The following CCNY variants were observed in gnomAD, a reference collection of about 807,000 sequenced individuals.
CCNY encodes the protein cyclin-Y.
In CCNY, 19 loss-of-function variants were observed where a neutral mutation model predicts 42.8. That is an observed-to-expected ratio of 0.44 (90% CI 0.31 to 0.65). The LOEUF is 0.65. CCNY is among the 30% of genes least tolerant of loss of function. CCNY has a pLI of 0.07. For synonymous variants in CCNY, 165 were observed against 162.7 expected (o/e 1.01, Z -0.11); for missense variants, 370 against 437.3 (o/e 0.85, Z 1.37).
At chr10:35,450,727 G>A (rs1838897968) in intron 1 of CCNY, among the ~76,000 whole-genome samples, 1 of 150,294 alleles carries the variant, frequency 6.7e-6, no homozygotes. Flanking sequence ...TTTACCTTTT[G>A]TGTATCAGTA....
At chr10:35,259,105 T>C (rs1394013297) in intron 3 of CCNY, among the ~76,000 whole-genome samples, 1 of 152,168 alleles carries the variant, frequency 6.6e-6, no homozygotes, top group Non-Finnish European at 1.5e-5. Context: ...TCCAGAGTTC[T>C]AAAACAGTTA....
At chr10:35,329,421 C>T (rs972059084) in intron 3 of CCNY, among the ~76,000 whole-genome samples, 10 of 152,018 alleles carry the variant, frequency 6.6e-5, no homozygotes, top group Admixed American at 4.6e-4. Context: ...TTTTTCATCC[C>T]GTAACTGTTT....
intron 1 of CCNY, among the ~76,000 whole-genome samples, chr10:35,398,708 A>G (rs775205667): frequency 1.3e-5 from 2 of 152,214 alleles, no homozygotes; most frequent in African/African-American, 2.4e-5. Context: ...TTGTCTAAAA[A>G]CAAAACAAAA....
At chr10:35,433,340 T>C (rs113447787) in intron 1 of CCNY, among the ~76,000 whole-genome samples, 1,968 of 152,322 alleles carry the variant, frequency 0.013, 37 homozygotes, top group African/African-American at 0.044. Context: ...AGTCCTAGAA[T>C]GTTTTTCAGC....
intron 7 of CCNY, among the ~76,000 whole-genome samples, chr10:35,537,481 A>C (rs964025440): frequency 6.6e-6 from 1 of 152,182 alleles, no homozygotes; most frequent in African/African-American, 2.4e-5. Context: ...GCAGACACTC[A>C]ATGCCAGCCT....
chr10:35,282,732 AAAAAAGAAAAG>A (rs1247830581), intron 3 of CCNY, among the ~76,000 whole-genome samples: 3 of 151,506 alleles, frequency 2.0e-5, no homozygotes, highest in African/African-American at 7.3e-5. Flanking sequence ...AAAAAAAAAA[AAAAAAGAAAAG>A]AAAAGAAAAA....
chr10:35,460,439 G>T, intron 1 of CCNY, among the ~76,000 whole-genome samples: 1 of 140,170 alleles, frequency 7.1e-6, no homozygotes, highest in East Asian at 2.0e-4. Context: ...GGAAGAAGAA[G>T]AATTGTATAT....
intron 4 of CCNY, among the ~76,000 whole-genome samples, 189 bp downstream of exon 4, chr10:35,516,812 TA>T (rs1171700766): frequency 6.6e-6 from 1 of 151,940 alleles, no homozygotes; most frequent in East Asian, 1.9e-4. Flanking sequence ...GAAATCTTTT[TA>T]AAAAATGATT....
chr10:35,465,615 C>T (rs905087678), intron 1 of CCNY, among the ~76,000 whole-genome samples: 1 of 152,156 alleles, frequency 6.6e-6, no homozygotes, highest in Non-Finnish European at 1.5e-5. Flanking sequence ...TCCTTACCCA[C>T]AGCTTTTCTT....
At chr10:35,343,000 C>CTTTT (rs112760907) in intron 1 of CCNY, among the ~76,000 whole-genome samples, 3 of 128,358 alleles carry the variant, frequency 2.3e-5, no homozygotes, top group African/African-American at 5.7e-5. Context: ...TCCTGCCTGC[C>CTTTT]TTTTTTTTTT....
chr10:35,519,359 A>G (rs1220011920), intron 4 of CCNY, among the ~76,000 whole-genome samples: 1 of 152,036 alleles, frequency 6.6e-6, no homozygotes, highest in Non-Finnish European at 1.5e-5. Context: ...AATCTGGCTG[A>G]GGTATACTGT....
At chr10:35,344,357 C>T (rs1330971159) in intron 1 of CCNY, among the ~76,000 whole-genome samples, 1 of 152,100 alleles carries the variant, frequency 6.6e-6, no homozygotes, top group Non-Finnish European at 1.5e-5. Context: ...CCTGCTGAGC[C>T]TCACCTTCCT....
At chr10:35,406,364 G>A (rs956231911) in intron 1 of CCNY, among the ~76,000 whole-genome samples, 1 of 151,958 alleles carries the variant, frequency 6.6e-6, no homozygotes, top group African/African-American at 2.4e-5. Flanking sequence ...TTCCTAGGCA[G>A]AGGACCCTGT....
intron 1 of CCNY, among the ~76,000 whole-genome samples, chr10:35,386,741 G>T (rs1489335610): frequency 6.6e-6 from 1 of 152,008 alleles, no homozygotes; most frequent in African/African-American, 2.4e-5. Context: ...ACAGTATATT[G>T]TTACTTTTGT....
At chr10:35,295,786 A>G (rs1434045868) in intron 3 of CCNY, among the ~76,000 whole-genome samples, 1 of 152,030 alleles carries the variant, frequency 6.6e-6, no homozygotes, top group East Asian at 1.9e-4. Flanking sequence ...AATCTTTTCA[A>G]AGTTCATCCA....
intron 3 of CCNY, among the ~76,000 whole-genome samples, chr10:35,261,239 A>AATTTT (rs1554963507): frequency 1.5e-5 from 2 of 132,192 alleles, no homozygotes; most frequent in Non-Finnish European, 1.6e-5. Context: ...AAAAAAAAAA[A>AATTTT]TTTTTTTTTT....
At chr10:35,439,982 G>A (rs1174213123) in intron 1 of CCNY, among the ~76,000 whole-genome samples, 3 of 151,816 alleles carry the variant, frequency 2.0e-5, no homozygotes, top group Admixed American at 6.6e-5. Flanking sequence ...TGGCAGTGGA[G>A]GATGAAAGTC....
chr10:35,312,325 G>A (rs1397106146), intron 3 of CCNY, among the ~76,000 whole-genome samples: 3 of 143,816 alleles, frequency 2.1e-5, no homozygotes, highest in African/African-American at 7.8e-5. Flanking sequence ...AGCTTGCAGT[G>A]AGCCGAGATT....
At chr10:35,276,896 G>A (rs1835245844) in intron 3 of CCNY, among the ~76,000 whole-genome samples, 1 of 152,176 alleles carries the variant, frequency 6.6e-6, no homozygotes, top group South Asian at 2.1e-4. Flanking sequence ...TCACCTTCAG[G>A]CTCCCAAGAG....
Sources: gnomAD v4.1 joint callset for allele counts (sites outside exome capture counted in the v4.1 genomes callset) on GRCh38, gnomAD v4.1.1 for gene constraint, MANE v1.5 for transcripts, NCBI Gene and HGNC (gene_info 2026-07-23, HGNC 2026-07-21) for gene names.